The following RBM46 variants were observed in gnomAD, a reference collection of about 807,000 sequenced individuals.
RBM46 encodes the protein RNA binding motif protein 46, also known as probable RNA-binding protein 46.
In RBM46, 12 loss-of-function variants were observed where a neutral mutation model predicts 43.3. The observed-to-expected ratio is 0.28, with a 90% CI of 0.18 to 0.45. The LOEUF (loss-of-function observed/expected upper bound fraction) is 0.45, where lower values mean the gene tolerates loss of function less well. Ranked by LOEUF, RBM46 falls within the 20% of genes least tolerant of loss-of-function variation. The probability of loss-of-function intolerance (pLI) is 1.00; values close to 1 mark genes in which losing one functional copy is unlikely to be tolerated. For synonymous variants in RBM46, 205 were observed against 207.6 expected, an observed-to-expected ratio of 0.99 and a Z score of 0.11; for missense variants, 412 against 639.1, an observed-to-expected ratio of 0.64 and a Z score of 3.83.
intron 1 of RBM46, chr4:154,787,093 T>C (rs945803406): frequency 6.6e-6 from 1 of 152,216 alleles, no homozygotes; most frequent in Non-Finnish European, 1.5e-5. Context: ...AATATAACTT[T>C]ATTATTTTTC....
At chr4:154,817,887 A>G (rs984512864) in intron 4 of RBM46, among the ~76,000 whole-genome samples, 1 of 151,592 alleles carries the variant, frequency 6.6e-6, no homozygotes, top group African/African-American at 2.4e-5. Flanking sequence ...TGTATTAGTT[A>G]TTCAGTCTTT....
At chr4:154,796,342 G>C (rs1364227680) in intron 1 of RBM46, among the ~76,000 whole-genome samples, 1 of 152,144 alleles carries the variant, frequency 6.6e-6, no homozygotes, top group Non-Finnish European at 1.5e-5. Context: ...AATCCAGTTG[G>C]CTTAGATGAT....
intron 4 of RBM46, among the ~76,000 whole-genome samples, chr4:154,810,005 TGGAG>T (rs951885865): frequency 5.8e-4 from 89 of 152,260 alleles, no homozygotes; most frequent in African/African-American, 2.1e-3. Flanking sequence ...AGTTACTACT[TGGAG>T]GGAGAAATTG....
At position 154,820,323 on chromosome 4, in the gene RBM46, A is replaced by G. The variant is rs770521540; in HGVS notation, c.1403-7545A>G. ...CACTTCCAAGATAGGGATAACATCA[A>G]TCTAAAGACTCAATTATTTTCTGTC... On this transcript the variant is annotated intron_variant, in intron 4 of 4. Coordinates refer to ENST00000281722, the MANE Select transcript of RBM46 (RefSeq NM_144979.5). 88 of 1,360,070 alleles carry G rather than the reference A, an allele frequency of 6.5e-5. 1 individual carries two copies. The Middle Eastern group carries it at 9.0e-4, about 14-fold the overall frequency. The allele number at this position is 1,360,070 out of a possible 1,614,324, so 84.3% of individuals were successfully genotyped here.
At chr4:154,787,538 A>C (rs1733841757) in intron 1 of RBM46, among the ~76,000 whole-genome samples, 1 of 152,048 alleles carries the variant, frequency 6.6e-6, no homozygotes, top group Non-Finnish European at 1.5e-5. Context: ...GCTGCATAGT[A>C]TTCCATGGTG....
At chr4:154,800,211 T>C (rs1734563767) in intron 4 of RBM46, among the ~76,000 whole-genome samples, 1 of 152,200 alleles carries the variant, frequency 6.6e-6, no homozygotes, top group South Asian at 2.1e-4. Context: ...TTACAAGATA[T>C]GTTCATTAAA....
intron 4 of RBM46, among the ~76,000 whole-genome samples, chr4:154,804,682 T>C (rs1271431129): frequency 1.3e-5 from 2 of 152,194 alleles, no homozygotes; most frequent in Non-Finnish European, 2.9e-5. Flanking sequence ...ATACAAGTGG[T>C]ATTTTTTTCT....
intron 4 of RBM46, among the ~76,000 whole-genome samples, chr4:154,811,343 C>T (rs1479183001): frequency 6.6e-6 from 1 of 152,248 alleles, no homozygotes; most frequent in Non-Finnish European, 1.5e-5. Context: ...GGGAAAGTTA[C>T]TTAACTTCTC....
rs1246010165 is a variant in RBM46 at position 154,796,777 on chromosome 4, A to G, written c.25A>G (p.Thr9Ala). 6.2e-7 allele frequency: 1 copy of G among 1,611,886 alleles called. No individual in the cohort carries two copies. Among genetic ancestry groups the G allele is most frequent in the South Asian group, 1.1e-5 (1 of 90,460 alleles). MNEENIDG[T>A]NGCSKVRTGI... ...CATGAATGAAGAAAATATAGATGGA[A>G]CAAATGGATGCAGTAAAGTTCGAAC... Residue 9 changes from threonine to alanine, a missense_variant, in exon 2 of 5, where the codon ACA becomes GCA. Thr to Ala is a moderately conservative substitution (Grantham distance 58). Coordinates refer to ENST00000281722, the MANE Select transcript of RBM46 (RefSeq NM_144979.5).
chr4:154,787,272 A>G (rs1423815103), intron 1 of RBM46: 2 of 151,544 alleles, frequency 1.3e-5, no homozygotes, highest in Non-Finnish European at 2.9e-5. Context: ...CACATATGCC[A>G]TGCTGCACCC....
At chr4:154,800,416 G>A (rs1330194859) in intron 4 of RBM46, among the ~76,000 whole-genome samples, 1 of 152,102 alleles carries the variant, frequency 6.6e-6, no homozygotes, top group African/African-American at 2.4e-5. Context: ...AGAGATGTTT[G>A]TGACCATTCT....
At chr4:154,789,061 TAAG>T (rs1733940551) in intron 1 of RBM46, among the ~76,000 whole-genome samples, 1 of 152,202 alleles carries the variant, frequency 6.6e-6, no homozygotes, top group African/African-American at 2.4e-5. Flanking sequence ...CGTATCAGCT[TAAG>T]GAGATTTTGG....
intron 4 of RBM46, among the ~76,000 whole-genome samples, 156 bp downstream of exon 4, chr4:154,799,720 T>C (rs1734526397): frequency 6.6e-6 from 1 of 151,906 alleles, no homozygotes; most frequent in South Asian, 2.1e-4. Flanking sequence ...TTCTTGAAAC[T>C]TGTGCCCTGT....
At chr4:154,813,003 A>G (rs1735256677) in intron 4 of RBM46, among the ~76,000 whole-genome samples, 1 of 152,204 alleles carries the variant, frequency 6.6e-6, no homozygotes, top group African/African-American at 2.4e-5. Context: ...CCATCAGTGT[A>G]TATAAAGCCA....
chr4:154,814,517 A>C (rs1325257436), intron 4 of RBM46, among the ~76,000 whole-genome samples: 1 of 152,016 alleles, frequency 6.6e-6, no homozygotes, highest in Non-Finnish European at 1.5e-5. Context: ...ATGCCGACAG[A>C]AATTTAATTC....
intron 1 of RBM46, among the ~76,000 whole-genome samples, chr4:154,791,597 A>C (rs146468899): frequency 5.9e-5 from 9 of 152,330 alleles, no homozygotes; most frequent in Non-Finnish European, 1.2e-4. Flanking sequence ...CACTTTTGCC[A>C]GAAAGTTAAA....
At chr4:154,804,434 CT>C (rs1482310070) in intron 4 of RBM46, among the ~76,000 whole-genome samples, 1 of 152,114 alleles carries the variant, frequency 6.6e-6, no homozygotes, top group Non-Finnish European at 1.5e-5. Flanking sequence ...GAATCTGGGT[CT>C]TTCAGTATTG....
chr4:154,810,484 A>G lies in RBM46; in HGVS notation c.1402+10920A>G, dbSNP rs199683909. Among the ~76,000 whole-genome samples the G allele has an allele frequency of 2.0e-5, 3 of 152,196 alleles. No homozygotes were observed. The East Asian group carries it at 5.8e-4, about 29-fold the overall frequency. On this transcript the variant is annotated intron_variant, in intron 4 of 4. Transcript: ENST00000281722. ...TAAATACTAATACAGAGGAAATGTG[A>G]TTGCAGTTTTCAAATGTTTGAAGTG...
At chr4:154,782,789 T>A (rs1733564593) in intron 1 of RBM46, among the ~76,000 whole-genome samples, 2 of 152,202 alleles carry the variant, frequency 1.3e-5, no homozygotes, top group Admixed American at 1.3e-4. Context: ...GCTTTTTAAG[T>A]CTTGGCTTCT....
Sources: allele counts gnomAD v4.1 joint callset (sites outside exome capture counted in the v4.1 genomes callset), GRCh38; gene constraint gnomAD v4.1.1; transcripts MANE v1.5; gene names NCBI Gene and HGNC (gene_info 2026-07-23, HGNC 2026-07-21).